SGPP2: variants seen among roughly 807,000 people sequenced by gnomAD.
SGPP2 encodes the protein sphingosine-1-phosphate phosphatase 2.
In SGPP2, 30 loss-of-function variants were observed where a neutral mutation model predicts 33.9. That is an observed-to-expected ratio of 0.89 (90% CI 0.66 to 1.20). SGPP2 has a LOEUF of 1.20. SGPP2 is among the 50% of genes most tolerant of loss of function. The pLI, the probability that SGPP2 is intolerant of heterozygous loss-of-function variation, is 0.00. For missense variants in SGPP2, 458 were observed against 532.1 expected (o/e 0.86, Z 1.37); for synonymous variants, 233 against 225.0 (o/e 1.04, Z -0.32).
chr2:222,489,573 T>TAA (rs55636429), intron 2 of SGPP2, among the ~76,000 whole-genome samples: 20,475 of 150,314 alleles, frequency 0.14, 1,966 homozygotes, highest in East Asian at 0.5. Context: ...GACTGAGCTT[T>TAA]AAAAAAAAAA....
chr2:222,514,867 G>C (rs1698581143), intron 2 of SGPP2, among the ~76,000 whole-genome samples: 1 of 152,134 alleles, frequency 6.6e-6, no homozygotes, highest in African/African-American at 2.4e-5. Context: ...CTGAGGACCA[G>C]GGGCTGAGCC....
chr2:222,452,841 T>G (rs1697513464), intron 1 of SGPP2: 2 of 1,607,586 alleles, frequency 1.2e-6, no homozygotes, highest in Non-Finnish European at 1.7e-6. Context: ...CCAGTTGTTT[T>G]TCTGCCACCT....
intron 1 of SGPP2, chr2:222,452,741 C>G: frequency 7.0e-7 from 1 of 1,425,772 alleles, no homozygotes; most frequent in Non-Finnish European, 9.9e-7. Context: ...GGTTTCCAGT[C>G]GTGTTCACCA....
At chr2:222,525,092 T>C (rs1698739342) in intron 4 of SGPP2, 59 bp downstream of exon 4, 4 of 1,214,806 alleles carry the variant, frequency 3.3e-6, no homozygotes, top group Non-Finnish European at 3.6e-6. Context: ...GGTCAGTGTG[T>C]CAATATGTTT....
At chr2:222,445,032 A>AAG (rs1697378979) in intron 1 of SGPP2, among the ~76,000 whole-genome samples, 1 of 152,198 alleles carries the variant, frequency 6.6e-6, no homozygotes, top group South Asian at 2.1e-4. Context: ...AGGGACCAGG[A>AAG]AGAGAGGATC....
intron 1 of SGPP2, among the ~76,000 whole-genome samples, chr2:222,459,306 C>G (rs1697623091): frequency 6.6e-6 from 1 of 151,972 alleles, no homozygotes; most frequent in Admixed American, 6.6e-5. Flanking sequence ...GCCACCACAC[C>G]TGGCTAATTT....
chr2:222,433,107 G>A (rs1045781019), intron 1 of SGPP2, among the ~76,000 whole-genome samples: 12 of 151,316 alleles, frequency 7.9e-5, no homozygotes, highest in East Asian at 2.0e-4. Flanking sequence ...GGGAGGGGAG[G>A]GGAGGGGACA....
chr2:222,436,211 C>T (rs980579643), intron 1 of SGPP2, among the ~76,000 whole-genome samples: 2 of 152,260 alleles, frequency 1.3e-5, no homozygotes, highest in African/African-American at 4.8e-5. Context: ...ATGGAATCAT[C>T]GTTGTGCCTC....
intron 1 of SGPP2, among the ~76,000 whole-genome samples, chr2:222,473,753 C>T (rs1312357042): frequency 6.6e-6 from 1 of 151,908 alleles, no homozygotes; most frequent in African/African-American, 2.4e-5. Context: ...GGAGAAACCC[C>T]ATCTCTACTA....
Position 222,424,591 on chromosome 2 carries a change from C to A in SGPP2, c.-12C>A. 7.9e-7 allele frequency: 1 copy of A among 1,265,428 alleles called. No homozygotes were observed. Among genetic ancestry groups the A allele is most frequent in the Non-Finnish European group, 1.0e-6 (1 of 1,001,658 alleles). The allele number at this position is 1,265,428 out of a possible 1,614,324, so 78.4% of individuals were successfully genotyped here. On this transcript the variant is annotated 5_prime_UTR_variant, in exon 1 of 5. Coordinates refer to ENST00000321276, the MANE Select transcript of SGPP2 (RefSeq NM_152386.4). ...CGTGGCAGCGGCGGCGGAGCGCGGC[C>A]CCGGGCACACCATGGCCGAGCTGCT...
intron 2 of SGPP2, among the ~76,000 whole-genome samples, chr2:222,506,615 G>A (rs116572752): frequency 0.024 from 3,689 of 152,168 alleles, 71 homozygotes; most frequent in Non-Finnish European, 0.032. Flanking sequence ...TTCATCAGTC[G>A]TTTATGTTGT....
Position 222,465,144 on chromosome 2 carries a change from A to G in SGPP2, c.220-9424A>G, listed in dbSNP as rs2106087593. 6.6e-6 allele frequency among the ~76,000 whole-genome samples: 1 copy of G among 152,298 alleles called. No individual in the cohort carries two copies. The highest frequency in any genetic ancestry group is 2.4e-5 in the African/African-American group (1 of 41,574). On this transcript the variant is annotated intron_variant, in intron 1 of 4. Transcript: ENST00000321276. This position sits in a 1 kb window ranked among gnomAD's most constrained non-coding sequence, Gnocchi z 4.1. ...GCCCACTAAGCAGGTGACAGTGATG[A>G]GTGTGCAGTTCCCTCTCAAGCTGAC...
In SGPP2 at chr2:222,491,340, A is replaced by ACTG. The variant is rs147244374; in HGVS notation, c.378+16618_378+16620dup. 4.1e-3 allele frequency among the ~76,000 whole-genome samples: 626 copies of ACTG among 152,184 alleles called. 14 individuals carry two copies. In the East Asian group the frequency reaches 0.061, roughly 15 times the overall value. On this transcript the variant is annotated intron_variant, in intron 2 of 4. Coordinates refer to ENST00000321276, the MANE Select transcript of SGPP2 (RefSeq NM_152386.4). ...TTGTAGAGACAGGGTCTGTTTTCAC[A>ACTG]CTGCTGTAAAGATACTACCTGAGGC...
chr2:222,483,439 G>A (rs1025122946), intron 2 of SGPP2, among the ~76,000 whole-genome samples: 6 of 152,092 alleles, frequency 3.9e-5, no homozygotes, highest in African/African-American at 1.2e-4. Context: ...GTTTAAAATG[G>A]TGGTTTTTCA....
At chr2:222,444,322 T>C (rs1697368353) in intron 1 of SGPP2, among the ~76,000 whole-genome samples, 1 of 152,340 alleles carries the variant, frequency 6.6e-6, no homozygotes, top group African/African-American at 2.4e-5. Flanking sequence ...GGTAGGAGTT[T>C]GGCAGTCCTT....
chr2:222,505,261 G>C (rs189071296), intron 2 of SGPP2, among the ~76,000 whole-genome samples: 1 of 152,176 alleles, frequency 6.6e-6, no homozygotes, highest in Non-Finnish European at 1.5e-5. Flanking sequence ...AGAGATAATC[G>C]TATGAAGGTG....
intron 1 of SGPP2, among the ~76,000 whole-genome samples, chr2:222,442,158 A>C (rs983043760): frequency 2.0e-5 from 3 of 152,222 alleles, no homozygotes; most frequent in African/African-American, 7.2e-5. Context: ...ACATCTTAAG[A>C]GATACAGATG....
chr2:222,540,597 G>T (rs1368534441), intron 4 of SGPP2, among the ~76,000 whole-genome samples: 1 of 151,998 alleles, frequency 6.6e-6, no homozygotes, highest in Non-Finnish European at 1.5e-5. Flanking sequence ...AGAACACCTG[G>T]GAACGGTGCG....
chr2:222,451,493 G>C (rs960123920), intron 1 of SGPP2, among the ~76,000 whole-genome samples: 3 of 152,190 alleles, frequency 2.0e-5, no homozygotes, highest in Non-Finnish European at 4.4e-5. Flanking sequence ...AACCCTACAC[G>C]CTCTGTGTGG....
Sources: allele counts gnomAD v4.1 joint callset (sites outside exome capture counted in the v4.1 genomes callset), GRCh38; gene constraint gnomAD v4.1.1; non-coding constraint Gnocchi (gnomAD v3.1); transcripts MANE v1.5; gene names NCBI Gene and HGNC (gene_info 2026-07-23, HGNC 2026-07-21).